Variants in CDRT4 observed in about 807,000 individuals in gnomAD.
CDRT4 encodes CMT1A duplicated region transcript 4, also known as CMT1A duplicated region transcript 4 protein.
For missense variants in CDRT4, 167 were observed against 193.1 expected, an observed-to-expected ratio of 0.87 and a Z score of 0.80; for synonymous variants, 64 against 69.6, an observed-to-expected ratio of 0.92 and a Z score of 0.40.
rs1236690427 is a variant in CDRT4 at position 15,464,695 on chromosome 17, C to T, written c.-130+2765G>A. Among the ~76,000 whole-genome samples the T allele has an allele frequency of 2.0e-5, 3 of 152,070 alleles. No individual in the cohort carries two copies. Among genetic ancestry groups the T allele is most frequent in the Non-Finnish European group, 4.4e-5 (3 of 68,016 alleles). The stretch of plus-strand genomic sequence containing the variant: ...TCTGCTTTCAAACCTTGCCAAGTCT[C>T]CCCTCCTCTAAACAATTCTTCCATT... On this transcript the variant is annotated intron_variant, in intron 1 of 3. Coordinates refer to ENST00000619038, the MANE Select transcript of CDRT4 (RefSeq NM_001204477.2). This position sits in a 1 kb window ranked among gnomAD's most constrained non-coding sequence, Gnocchi z 4.5.
At chr17:15,465,828 G>A (rs1365498056) in intron 1 of CDRT4, among the ~76,000 whole-genome samples, 10 of 151,984 alleles carry the variant, frequency 6.6e-5, no homozygotes, top group Non-Finnish European at 8.8e-5. Context: ...GCCATCCACC[G>A]TGGGGAGGAC....
rs1027472166 is a variant in CDRT4, at chr17:15,464,203, G to T, written c.-130+3257C>A. On this transcript the variant is annotated intron_variant, in intron 1 of 3. Transcript: ENST00000619038. This position sits in a 1 kb window ranked among gnomAD's most constrained non-coding sequence, Gnocchi z 4.5. ...GATGTGTCACTGAGCTTGGGGATAG[G>T]GCCAGGGATGGGGATGGAGATGCCA... Among the ~76,000 whole-genome samples, 4 of 152,060 alleles carry T rather than the reference G, an allele frequency of 2.6e-5. No individual in the cohort carries two copies. The highest frequency in any genetic ancestry group is 2.6e-4 in the Admixed American group (4 of 15,266).
chr17:15,437,864 G>T lies in CDRT4; in HGVS notation c.368C>A (p.Ala123Glu), dbSNP rs61742154. The T allele has an allele frequency of 1.9e-6, 3 of 1,614,042 alleles. No individual in the cohort carries two copies. Among genetic ancestry groups the T allele is most frequent in the African/African-American group, 2.7e-5 (2 of 74,920 alleles). The change falls in exon 4 of 4, where the codon GCG (alanine) becomes GAG (glutamate). Residue 123 changes from alanine to glutamate, a missense_variant. Physicochemically the swap from Ala to Glu is moderately radical, Grantham distance 107. Transcript: ENST00000619038. ...TTCAGTTGGACAGTCTCTGGAATCC[G>T]CATGTAAGTGTGTGGGTTCTGGGAT... ...TMIPEPTHLH[A>E]DSRDCPTENY...
In CDRT4 at chr17:15,437,975, C is replaced by A; in HGVS notation, c.257G>T (p.Gly86Val). ...CAGCGTGTCCCTGAACACAGCTTTGCCAGAAGACTTGGAAGACTTCCTCCT... is the reference window on the plus strand; with the variant it reads ...CAGCGTGTCCCTGAACACAGCTTTGACAGAAGACTTGGAAGACTTCCTCCT... ...PKRRKSSKSS[G>V]KAVFRDTLSE... The change falls in exon 4 of 4, where the codon GGC (glycine) becomes GTC (valine). Residue 86 changes from glycine (G) to valine (V), a missense_variant. Gly to Val is a moderately radical substitution (Grantham distance 109, BLOSUM62 -3). Transcript: ENST00000619038. 1 of 1,614,138 alleles carries A rather than the reference C, an allele frequency of 6.2e-7. No individual in the cohort carries two copies.
chr17:15,437,733 G>A lies in CDRT4; in HGVS notation c.*40C>T, dbSNP rs769595009. On this transcript the variant is annotated 3_prime_UTR_variant, in exon 4 of 4. Coordinates refer to ENST00000619038, the MANE Select transcript of CDRT4 (RefSeq NM_001204477.2). ...GTACGTTCTTGGGGAATGGCTGCAG[G>A]GACCCCTGGCTAAAACATTTGCATG... 17 of 1,592,278 alleles carry A rather than the reference G, an allele frequency of 1.1e-5. No individual in the cohort carries two copies. The highest frequency in any genetic ancestry group is 1.3e-5 in the Non-Finnish European group (15 of 1,163,620).
In CDRT4 at chr17:15,444,205, T is replaced by A. The variant is rs746174519; in HGVS notation, c.-47-3920A>T. 3.8e-5 allele frequency: 35 copies of A among 915,700 alleles called. No homozygotes were observed. The Middle Eastern group carries it at 1.0e-3, about 26-fold the overall frequency. The allele number at this position is 915,700 out of a possible 1,614,324, so 56.7% of individuals were successfully genotyped here. On this transcript the variant is annotated intron_variant, in intron 2 of 3. Transcript: ENST00000619038. The stretch of plus-strand genomic sequence containing the variant: ...GCCGATGAATAAGATCTAAGAGATG[T>A]CCAGCTACAGAAACAAGATGCCGGA...
chr17:15,466,274 A>G (rs1980038783), intron 1 of CDRT4, among the ~76,000 whole-genome samples: 1 of 152,086 alleles, frequency 6.6e-6, no homozygotes, highest in Non-Finnish European at 1.5e-5. Context: ...GTAAAGCAAG[A>G]GCTTCCAGCA....
intron 2 of CDRT4, among the ~76,000 whole-genome samples, chr17:15,448,271 C>A (rs1229487453): frequency 6.6e-6 from 1 of 152,218 alleles, no homozygotes; most frequent in Non-Finnish European, 1.5e-5. Context: ...TTCTAAGGAA[C>A]TGCACATCCT....
At chr17:15,438,244 G>T in intron 3 of CDRT4, 44 bp from the exon 4 acceptor site, 1 of 1,570,956 alleles carries the variant, frequency 6.4e-7, no homozygotes. Context: ...GCAGTCACAT[G>T]CAATAGCTTG....
intron 2 of CDRT4, among the ~76,000 whole-genome samples, chr17:15,448,724 C>T (rs1479751108): frequency 6.6e-6 from 1 of 152,172 alleles, no homozygotes; most frequent in East Asian, 1.9e-4. Context: ...TTCCTTCCTC[C>T]TCCTCTGAAG....
chr17:15,438,366 C>T (rs907898827), intron 3 of CDRT4, among the ~76,000 whole-genome samples, 166 bp from the exon 4 acceptor site: 37 of 152,178 alleles, frequency 2.4e-4, no homozygotes, highest in African/African-American at 8.4e-4. Context: ...AACAGAACGA[C>T]ATCCTAGAAA....
At chr17:15,451,589 C>T (rs936862063) in intron 2 of CDRT4, among the ~76,000 whole-genome samples, 1 of 152,208 alleles carries the variant, frequency 6.6e-6, no homozygotes, top group African/African-American at 2.4e-5. Flanking sequence ...ACCCACTGTG[C>T]CCGGCCACAC....
chr17:15,438,753 T>C (rs1328982362), intron 3 of CDRT4, among the ~76,000 whole-genome samples: 1 of 152,228 alleles, frequency 6.6e-6, no homozygotes, highest in Non-Finnish European at 1.5e-5. Context: ...ATAACTTATG[T>C]TAAGCTTTTA....
At chr17:15,443,538 G>T in intron 2 of CDRT4, 1 of 204,674 alleles carries the variant, frequency 4.9e-6, no homozygotes, top group Non-Finnish European at 9.7e-6. Context: ...CCACCTCTGC[G>T]TCCCAAAGTG....
intron 1 of CDRT4, among the ~76,000 whole-genome samples, chr17:15,461,370 G>T (rs940545087): frequency 6.6e-6 from 1 of 152,226 alleles, no homozygotes; most frequent in African/African-American, 2.4e-5. Context: ...GCTGCCACAA[G>T]GACAGGAGTG....
intron 1 of CDRT4, among the ~76,000 whole-genome samples, chr17:15,465,003 GACAC>G (rs573283060): frequency 1.3e-3 from 190 of 142,310 alleles, no homozygotes; most frequent in African/African-American, 2.7e-3. Flanking sequence ...ACGCAATACA[GACAC>G]ACACAACACA....
intron 1 of CDRT4, among the ~76,000 whole-genome samples, chr17:15,465,546 C>T (rs566678790): frequency 2.0e-5 from 3 of 151,646 alleles, no homozygotes; most frequent in East Asian, 1.9e-4. Context: ...CACACCAACA[C>T]AAACACACAC....
Position 15,465,565 on chromosome 17 carries a change from CACTT to C in CDRT4, c.-130+1891_-130+1894del, listed in dbSNP as rs554696831. Among the ~76,000 whole-genome samples, 768 of 151,078 alleles carry C rather than the reference CACTT, an allele frequency of 5.1e-3. 3 individuals carry two copies. The highest frequency in any genetic ancestry group is 0.011 in the Admixed American group (166 of 15,148). On this transcript the variant is annotated intron_variant, in intron 1 of 3. Coordinates refer to ENST00000619038, the MANE Select transcript of CDRT4 (RefSeq NM_001204477.2). The stretch of plus-strand genomic sequence containing the variant: ...CCAACACAAACACACACAACAAAGA[CACTT>C]AGGTACAAACACACACACCAACACA...
intron 3 of CDRT4, 112 bp downstream of exon 3, chr17:15,440,096 T>C (rs1403547471): frequency 4.4e-6 from 4 of 915,132 alleles, no homozygotes; most frequent in Non-Finnish European, 6.2e-6. Context: ...AATAAAAATA[T>C]ATATTAAAAA....
Sources: gnomAD v4.1 joint callset for allele counts (sites outside exome capture counted in the v4.1 genomes callset) on GRCh38, gnomAD v4.1.1 for gene constraint, Gnocchi (gnomAD v3.1) non-coding constraint, MANE v1.5 for transcripts, NCBI Gene and HGNC (gene_info 2026-07-23, HGNC 2026-07-21) for gene names.